Variants in LRPPRC observed in about 807,000 individuals in gnomAD.
LRPPRC encodes the protein leucine rich pentatricopeptide repeat containing, also known as leucine-rich PPR motif-containing protein, mitochondrial.
In LRPPRC, 120 loss-of-function variants were observed where a neutral mutation model predicts 180.3. The ratio of observed to expected loss-of-function variants is 0.67; its 90% CI spans 0.57 to 0.77. LRPPRC has a LOEUF of 0.77. Among genes scored for constraint, LRPPRC ranks in the 30% least tolerant of loss-of-function variants. LRPPRC has a pLI of 0.00. For missense variants in LRPPRC, 2,012 were observed against 1,657.2 expected (o/e 1.21, Z -3.72); for synonymous variants, 723 against 600.0 (o/e 1.21, Z -3.00).
At chr2:43,990,449 G>A (rs12990439) in intron 1 of LRPPRC, among the ~76,000 whole-genome samples, 53,987 of 151,946 alleles carry the variant, frequency 0.36, 10,290 homozygotes, top group Non-Finnish European at 0.43. Flanking sequence ...CATAAACTTT[G>A]TCAAAATCTG....
intron 1 of LRPPRC, among the ~76,000 whole-genome samples, chr2:43,993,766 A>G (rs527812366): frequency 6.6e-6 from 1 of 152,180 alleles, no homozygotes; most frequent in African/African-American, 2.4e-5. Flanking sequence ...AGAAATAAGT[A>G]ATGATATCAG....
At chr2:43,890,349 A>C (rs948728090) in intron 36 of LRPPRC, 2 of 470,310 alleles carry the variant, frequency 4.3e-6, no homozygotes, top group African/African-American at 4.0e-5. Context: ...ACATCAAAAA[A>C]GCTTTTCATT....
chr2:43,897,464 G>C (rs1229879806), intron 34 of LRPPRC, among the ~76,000 whole-genome samples: 1 of 152,048 alleles, frequency 6.6e-6, no homozygotes, highest in African/African-American at 2.4e-5. Context: ...TAAAACGAAT[G>C]GTATAAAAAG....
intron 2 of LRPPRC, among the ~76,000 whole-genome samples, chr2:43,981,971 G>A (rs1674328780): frequency 1.3e-5 from 2 of 151,658 alleles, no homozygotes; most frequent in Admixed American, 1.3e-4. Context: ...GCAGTTGTGC[G>A]ATCTTAGCTC....
chr2:43,915,277 C>CA, intron 29 of LRPPRC, among the ~76,000 whole-genome samples: 4 of 142,140 alleles, frequency 2.8e-5, no homozygotes, highest in Non-Finnish European at 6.1e-5. Context: ...CACACACACA[C>CA]AAGTTCATCA....
At chr2:43,917,843 G>T (rs182136512) in intron 29 of LRPPRC, among the ~76,000 whole-genome samples, 182 bp downstream of exon 29, 1 of 152,048 alleles carries the variant, frequency 6.6e-6, no homozygotes. Flanking sequence ...TCAGTCAATA[G>T]TTAAATTTTC....
At chr2:43,975,513 G>C (rs1211707295) in intron 6 of LRPPRC, among the ~76,000 whole-genome samples, 1 of 151,878 alleles carries the variant, frequency 6.6e-6, no homozygotes, top group Non-Finnish European at 1.5e-5. Flanking sequence ...ATAACATTTA[G>C]TAAATTACTC....
intron 31 of LRPPRC, chr2:43,902,384 G>A (rs1670920261): frequency 6.6e-6 from 1 of 152,044 alleles, no homozygotes; most frequent in Non-Finnish European, 1.5e-5. Context: ...TACCATTATC[G>A]AAGAAAACTT....
At chr2:43,927,841 T>C (rs535416672) in intron 25 of LRPPRC, among the ~76,000 whole-genome samples, 1 of 152,344 alleles carries the variant, frequency 6.6e-6, no homozygotes, top group African/African-American at 2.4e-5. Context: ...TAAATCTCAA[T>C]CATCAAAAGA....
rs140709424 is a variant in LRPPRC at position 43,954,711 on chromosome 2, T to A, written c.1649+2674A>T. On this transcript the variant is annotated intron_variant, in intron 14 of 37. Coordinates refer to ENST00000260665, the MANE Select transcript of LRPPRC (RefSeq NM_133259.4). ...CAAACACATATACATATGGACATAA[T>A]ATGTAATGTACCACTTTGTTTTGGT... Among the ~76,000 whole-genome samples the A allele has an allele frequency of 1.4e-3, 206 of 152,266 alleles. 4 individuals carry two copies. In the East Asian group the frequency reaches 0.035, roughly 26 times the overall value.
chr2:43,939,986 GA>G (rs542276528), intron 23 of LRPPRC, among the ~76,000 whole-genome samples: 140 of 152,292 alleles, frequency 9.2e-4, no homozygotes, highest in African/African-American at 3.2e-3. Flanking sequence ...TTTTCTGACA[GA>G]GGCAGAAAAA....
At chr2:43,972,026 T>C (rs1673841024) in intron 11 of LRPPRC, among the ~76,000 whole-genome samples, 1 of 152,230 alleles carries the variant, frequency 6.6e-6, no homozygotes, top group Admixed American at 6.5e-5. Flanking sequence ...AACTGGCAAC[T>C]AATTTTTAAA....
intron 13 of LRPPRC, among the ~76,000 whole-genome samples, chr2:43,959,448 T>A (rs112948773): frequency 8.5e-4 from 130 of 152,318 alleles, no homozygotes; most frequent in African/African-American, 3.0e-3. Flanking sequence ...AATATAACAT[T>A]AATGAGAGCT....
chr2:43,909,178 A>T (rs890709122), intron 30 of LRPPRC, among the ~76,000 whole-genome samples: 1 of 152,218 alleles, frequency 6.6e-6, no homozygotes, highest in East Asian at 1.9e-4. Context: ...GTCCAGCATT[A>T]TTTTTAAAAG....
rs772441936 is a variant in LRPPRC, at chr2:43,934,907, A to G, written c.2505-29T>C. The G allele has an allele frequency of 8.1e-6, 13 of 1,602,878 alleles. No homozygotes were observed. The South Asian group carries it at 1.3e-4, about 16-fold the overall frequency. On this transcript the variant is annotated intron_variant, in intron 23 of 37. Coordinates refer to ENST00000260665, the MANE Select transcript of LRPPRC (RefSeq NM_133259.4). ...AGAAACAAAAAAATTAGCAATGAAT[A>G]AAATAAATCGAATTCAGCTTAGTCT...
chr2:43,975,654 C>G (rs1469589371), intron 6 of LRPPRC, among the ~76,000 whole-genome samples: 1 of 151,544 alleles, frequency 6.6e-6, no homozygotes, highest in Non-Finnish European at 1.5e-5. Flanking sequence ...GTAATCTCGG[C>G]TCACTGCAAC....
chr2:43,977,912 A>G (rs563123753), intron 3 of LRPPRC, among the ~76,000 whole-genome samples: 17 of 152,154 alleles, frequency 1.1e-4, no homozygotes, highest in African/African-American at 4.1e-4. Context: ...GTCTCACTAC[A>G]TTTTCATGCA....
intron 31 of LRPPRC, chr2:43,903,867 T>C (rs1353654676): frequency 6.6e-6 from 1 of 152,244 alleles, no homozygotes; most frequent in East Asian, 1.9e-4. Context: ...AGCTTATTTA[T>C]ATGGCGAGCA....
chr2:43,896,906 G>A (rs910217053), intron 34 of LRPPRC, among the ~76,000 whole-genome samples, 198 bp from the exon 35 acceptor site: 94 of 152,136 alleles, frequency 6.2e-4, no homozygotes, highest in Non-Finnish European at 1.1e-3. Flanking sequence ...GGTGAATGCT[G>A]TCCTTGGCAT....
Sources: gnomAD v4.1 joint callset for allele counts (sites outside exome capture counted in the v4.1 genomes callset) on GRCh38, gnomAD v4.1.1 for gene constraint, MANE v1.5 for transcripts, NCBI Gene and HGNC (gene_info 2026-07-23, HGNC 2026-07-21) for gene names.